The following CNTN6 variants were observed in gnomAD, a reference collection of about 807,000 sequenced individuals.
The protein encoded by CNTN6 is contactin-6.
CNTN6 carries 137 observed loss-of-function variants against 122.8 expected under a neutral mutation model. The observed-to-expected ratio is 1.12, with a 90% CI of 0.97 to 1.29. CNTN6 has a LOEUF of 1.29. CNTN6 is among the 50% of genes most tolerant of loss of function. The pLI, the probability that CNTN6 is intolerant of heterozygous loss-of-function variation, is 0.00. For synonymous variants in CNTN6, 570 were observed against 426.0 expected, an observed-to-expected ratio of 1.34 and a Z score of -4.16; for missense variants, 1,634 against 1,223.4, an observed-to-expected ratio of 1.34 and a Z score of -5.01.
At chr3:1,146,167 C>G (rs1283599453) in intron 1 of CNTN6, among the ~76,000 whole-genome samples, 1 of 152,124 alleles carries the variant, frequency 6.6e-6, no homozygotes, top group African/African-American at 2.4e-5. Context: ...AATTTTGATT[C>G]TGTTCTGCTC....
At chr3:1,128,736 A>G (rs1348774006) in intron 1 of CNTN6, among the ~76,000 whole-genome samples, 1 of 151,718 alleles carries the variant, frequency 6.6e-6, no homozygotes, top group Non-Finnish European at 1.5e-5. Flanking sequence ...ATTTATTTAC[A>G]GAGCAACATG....
At chr3:1,390,595 C>T (rs1162125486) in intron 20 of CNTN6, among the ~76,000 whole-genome samples, 2 of 152,254 alleles carry the variant, frequency 1.3e-5, no homozygotes, top group Admixed American at 6.5e-5. Flanking sequence ...ACACAAAAAA[C>T]CCTTAAAAAA....
At chr3:1,162,438 A>G (rs1286485300) in intron 2 of CNTN6, among the ~76,000 whole-genome samples, 1 of 152,226 alleles carries the variant, frequency 6.6e-6, no homozygotes, top group Admixed American at 6.5e-5. Context: ...AAAGTCTTAC[A>G]GAGAATCACC....
intron 5 of CNTN6, among the ~76,000 whole-genome samples, chr3:1,284,311 A>G (rs572786888): frequency 1.3e-5 from 2 of 152,324 alleles, no homozygotes; most frequent in South Asian, 4.1e-4. Context: ...ATGTAGAGAA[A>G]AAAGTGCTAA....
chr3:1,384,772 C>CATATATATACATATATATACACAT (rs1692564838), intron 19 of CNTN6, among the ~76,000 whole-genome samples: 2 of 120,922 alleles, frequency 1.7e-5, no homozygotes, highest in Non-Finnish European at 3.4e-5. Context: ...TATATATACA[C>CATATATATACATATATATACACAT]ATATATATAT....
chr3:1,382,125 A>G (rs1691989491), intron 17 of CNTN6, among the ~76,000 whole-genome samples: 1 of 151,844 alleles, frequency 6.6e-6, no homozygotes, highest in African/African-American at 2.4e-5. Flanking sequence ...AAAGCAAAGC[A>G]TTTTCCTTGG....
intron 7 of CNTN6, among the ~76,000 whole-genome samples, chr3:1,305,937 T>C (rs969174145): frequency 3.9e-5 from 6 of 152,212 alleles, no homozygotes; most frequent in Non-Finnish European, 7.4e-5. Flanking sequence ...CTATTTCTTA[T>C]AGTGTTTGCT....
At chr3:1,196,413 T>C (rs1253730044) in intron 2 of CNTN6, among the ~76,000 whole-genome samples, 1 of 152,220 alleles carries the variant, frequency 6.6e-6, no homozygotes, top group African/African-American at 2.4e-5. Flanking sequence ...TGGATGATAA[T>C]GATAACACTT....
intron 3 of CNTN6, among the ~76,000 whole-genome samples, chr3:1,221,420 G>C (rs1459490852): frequency 6.6e-6 from 1 of 152,182 alleles, no homozygotes; most frequent in Non-Finnish European, 1.5e-5. Context: ...TGGATATCTA[G>C]ATTTATTTCA....
intron 12 of CNTN6, among the ~76,000 whole-genome samples, chr3:1,370,772 TGGGA>T (rs1422525328): frequency 3.9e-5 from 6 of 152,058 alleles, no homozygotes; most frequent in African/African-American, 1.4e-4. Flanking sequence ...CTCTTGAATC[TGGGA>T]GGCGGAGGTT....
intron 12 of CNTN6, among the ~76,000 whole-genome samples, chr3:1,355,496 GA>G (rs772345489): frequency 6.6e-6 from 1 of 151,578 alleles, no homozygotes; most frequent in African/African-American, 2.4e-5. Context: ...CCTAGCATAG[GA>G]AAAAATTATA....
intron 2 of CNTN6, among the ~76,000 whole-genome samples, chr3:1,174,388 T>TG (rs1371672011): frequency 6.6e-6 from 1 of 152,220 alleles, no homozygotes; most frequent in Non-Finnish European, 1.5e-5. Flanking sequence ...AATACAAAGG[T>TG]ATAGAGGAGG....
intron 1 of CNTN6, among the ~76,000 whole-genome samples, chr3:1,102,557 C>T (rs966854599): frequency 8.7e-5 from 13 of 149,586 alleles, no homozygotes; most frequent in African/African-American, 1.5e-4. Flanking sequence ...GGTGAAACCC[C>T]GTCTCTACTA....
intron 4 of CNTN6, among the ~76,000 whole-genome samples, chr3:1,256,827 A>T (rs1226547321): frequency 6.6e-6 from 1 of 152,150 alleles, no homozygotes; most frequent in Non-Finnish European, 1.5e-5. Flanking sequence ...GCTTCATTAG[A>T]CAGTAATAAA....
At chr3:1,098,787 CACATATATATATATATAT>C (rs2090684497) in intron 1 of CNTN6, among the ~76,000 whole-genome samples, 1 of 55,692 alleles carries the variant, frequency 1.8e-5, no homozygotes, top group South Asian at 7.2e-4. Context: ...CACACACACA[CACATATATATATATATAT>C]ATATATATAT....
intron 2 of CNTN6, among the ~76,000 whole-genome samples, chr3:1,159,626 T>G (rs1392868680): frequency 6.6e-6 from 1 of 151,778 alleles, no homozygotes; most frequent in African/African-American, 2.4e-5. Flanking sequence ...TCTTTTTATC[T>G]TATAAAAATA....
At chr3:1,258,602 T>G (rs923809083) in intron 4 of CNTN6, among the ~76,000 whole-genome samples, 3 of 152,092 alleles carry the variant, frequency 2.0e-5, no homozygotes, top group Non-Finnish European at 4.4e-5. Context: ...AGCTTAGTCT[T>G]TCAAATAAAA....
intron 7 of CNTN6, among the ~76,000 whole-genome samples, chr3:1,309,152 T>A (rs1698839501): frequency 7.2e-6 from 1 of 139,050 alleles, no homozygotes; most frequent in Non-Finnish European, 1.5e-5. Context: ...GTGCAGGTTA[T>A]CAATTTTTTT....
chr3:1,176,522 C>A (rs1003912572), intron 2 of CNTN6, among the ~76,000 whole-genome samples: 1 of 151,990 alleles, frequency 6.6e-6, no homozygotes, highest in Non-Finnish European at 1.5e-5. Context: ...ATATTAGCCA[C>A]AAAGATACGA....
Sources: gnomAD v4.1 joint callset for allele counts (sites outside exome capture counted in the v4.1 genomes callset) on GRCh38, gnomAD v4.1.1 for gene constraint, MANE v1.5 for transcripts, NCBI Gene and HGNC (gene_info 2026-07-23, HGNC 2026-07-21) for gene names.